CPPED1: variants seen among roughly 807,000 people sequenced by gnomAD.
The protein encoded by CPPED1 is serine/threonine-protein phosphatase CPPED1.
A neutral mutation model predicts 28.0 loss-of-function variants in CPPED1; 28 were observed. The observed-to-expected ratio is 1.00, with a 90% CI of 0.74 to 1.37. CPPED1 has a LOEUF of 1.37. Among genes scored for constraint, CPPED1 ranks in the 40% most tolerant of loss-of-function variants. CPPED1 has a pLI of 0.00. For missense variants in CPPED1, 504 were observed against 416.5 expected, an observed-to-expected ratio of 1.21 and a Z score of -1.83; for synonymous variants, 198 against 180.2, an observed-to-expected ratio of 1.10 and a Z score of -0.79.
Position 12,659,912 on chromosome 16 carries a change from GGAAA to G in CPPED1, c.*4970_*4973del, listed in dbSNP as rs2079784474. On this transcript the variant is annotated 3_prime_UTR_variant, in exon 4 of 4. Transcript: ENST00000381774. ...AGCAGGCATGTCTTACATGGCAACAGGAAAGAAAGAGTGTGAAGGAGCTATCAAA... is the reference window on the plus strand; with the variant it reads ...AGCAGGCATGTCTTACATGGCAACAGGAAAGAGTGTGAAGGAGCTATCAAA... 6.6e-6 allele frequency: 1 copy of G among 152,360 alleles called. No individual in the cohort carries two copies. Among genetic ancestry groups the G allele is most frequent in the Admixed American group, 6.5e-5 (1 of 15,286 alleles). 9.4% of individuals were successfully genotyped at this position (152,360 alleles called of 1,614,324 possible). A position where few individuals can be genotyped will look rare whatever the true frequency, so the allele number is the denominator to read the frequency against.
chr16:12,792,659 G>C (rs1404376346), intron 1 of CPPED1, among the ~76,000 whole-genome samples: 1 of 152,094 alleles, frequency 6.6e-6, no homozygotes, highest in Admixed American at 6.6e-5. Context: ...CCTGGTGGGA[G>C]GTAACTGAAT....
intron 2 of CPPED1, among the ~76,000 whole-genome samples, chr16:12,746,818 C>T (rs1400780014): frequency 6.6e-6 from 1 of 152,024 alleles, no homozygotes; most frequent in Non-Finnish European, 1.5e-5. Context: ...GGGGTGATAT[C>T]GCTTGCAGGT....
At chr16:12,760,803 G>C (rs531505719) in intron 2 of CPPED1, 6 of 152,194 alleles carry the variant, frequency 3.9e-5, no homozygotes, top group African/African-American at 1.4e-4. Flanking sequence ...TCCCAGGCCA[G>C]GATCATCCTA....
intron 2 of CPPED1, among the ~76,000 whole-genome samples, chr16:12,746,654 ATTGTCT>A (rs2080290423): frequency 6.6e-6 from 1 of 151,922 alleles, no homozygotes; most frequent in East Asian, 1.9e-4. Flanking sequence ...TTGAAAGGAA[ATTGTCT>A]TTGTAAAAGA....
chr16:12,745,980 T>A (rs1316940152), intron 2 of CPPED1: 18 of 151,806 alleles, frequency 1.2e-4, no homozygotes, highest in Non-Finnish European at 2.1e-4. Context: ...GAGGAAAAGG[T>A]AAGAATTGTA....
At chr16:12,743,149 T>C (rs1359049167) in intron 2 of CPPED1, among the ~76,000 whole-genome samples, 1 of 152,200 alleles carries the variant, frequency 6.6e-6, no homozygotes, top group African/African-American at 2.4e-5. Context: ...ATCCAGGTTC[T>C]CAGATGCACG....
chr16:12,668,225 T>A (rs1042937652), intron 3 of CPPED1, among the ~76,000 whole-genome samples: 1 of 152,166 alleles, frequency 6.6e-6, no homozygotes, highest in Non-Finnish European at 1.5e-5. Context: ...AAAGAAAGGA[T>A]GAAATATTAA....
chr16:12,729,647 A>G (rs1216637874), intron 2 of CPPED1, among the ~76,000 whole-genome samples: 1 of 152,188 alleles, frequency 6.6e-6, no homozygotes, highest in Admixed American at 6.5e-5. Context: ...ACACAAGGGT[A>G]TTCTGTCTGG....
chr16:12,698,559 G>A (rs753711881), intron 3 of CPPED1, among the ~76,000 whole-genome samples: 2 of 152,088 alleles, frequency 1.3e-5, no homozygotes, highest in Non-Finnish European at 2.9e-5. Context: ...AGCCTCCCAA[G>A]TAGCTGGGAC....
chr16:12,766,633 G>T (rs538497129), intron 2 of CPPED1, among the ~76,000 whole-genome samples: 1 of 152,132 alleles, frequency 6.6e-6, no homozygotes, highest in South Asian at 2.1e-4. Flanking sequence ...ATCAGGTGTG[G>T]TGGCGGGCAC....
intron 1 of CPPED1, among the ~76,000 whole-genome samples, chr16:12,789,682 T>G (rs2080584824): frequency 6.6e-6 from 1 of 151,988 alleles, no homozygotes; most frequent in South Asian, 2.1e-4. Flanking sequence ...CGCGACACCA[T>G]GCCTGGTTAA....
At chr16:12,727,840 A>G (rs1191724918) in intron 2 of CPPED1, among the ~76,000 whole-genome samples, 3 of 152,222 alleles carry the variant, frequency 2.0e-5, no homozygotes, top group Non-Finnish European at 4.4e-5. Flanking sequence ...CAAAGACACC[A>G]GAATTATAAC....
At chr16:12,683,382 A>G (rs1211028720) in intron 3 of CPPED1, among the ~76,000 whole-genome samples, 1 of 151,500 alleles carries the variant, frequency 6.6e-6, no homozygotes. Flanking sequence ...GGCTCTGTCC[A>G]TTCCCCTTCT....
chr16:12,721,730 G>C (rs2080141237), intron 2 of CPPED1, among the ~76,000 whole-genome samples: 1 of 151,128 alleles, frequency 6.6e-6, no homozygotes, highest in Non-Finnish European at 1.5e-5. Flanking sequence ...CTCTAGCCTG[G>C]GTGACAGAGC....
At chr16:12,781,428 G>A (rs758363650) in intron 1 of CPPED1, 25 bp from the exon 2 acceptor site, 2 of 1,602,896 alleles carry the variant, frequency 1.2e-6, no homozygotes, top group South Asian at 2.2e-5. Context: ...GAGGGAGAAA[G>A]AAGGAGAAAT....
Position 12,803,822 on chromosome 16 carries a change from A to G in CPPED1, c.-46T>C, listed in dbSNP as rs747741219. ...TCACTTAGAACACTGCGTGGGTGGA[A>G]GCCGCGCGACTTCACACAGAACAAC... On this transcript the variant is annotated 5_prime_UTR_variant, in exon 1 of 4. Coordinates refer to ENST00000381774, the MANE Select transcript of CPPED1 (RefSeq NM_018340.3). 7.1e-6 allele frequency: 11 copies of G among 1,550,728 alleles called. No individual in the cohort carries two copies. In the South Asian group the frequency reaches 8.2e-5, roughly 12 times the overall value.
chr16:12,761,484 CT>C (rs1218001213), intron 2 of CPPED1, among the ~76,000 whole-genome samples: 2 of 152,084 alleles, frequency 1.3e-5, no homozygotes, highest in African/African-American at 2.4e-5. Context: ...CTTTGTGGCT[CT>C]ATACTATGAC....
chr16:12,691,527 G>A (rs369956045), intron 3 of CPPED1, among the ~76,000 whole-genome samples: 12 of 152,060 alleles, frequency 7.9e-5, no homozygotes, highest in African/African-American at 2.2e-4. Flanking sequence ...TGTTTATTGC[G>A]GCATTATTCA....
At chr16:12,802,925 G>C (rs1041841370) in intron 1 of CPPED1, among the ~76,000 whole-genome samples, 4 of 152,172 alleles carry the variant, frequency 2.6e-5, no homozygotes, top group African/African-American at 7.2e-5. Context: ...CTTCCCTGGG[G>C]GTATAAAGCT....
Sources: allele counts gnomAD v4.1 joint callset (sites outside exome capture counted in the v4.1 genomes callset), GRCh38; gene constraint gnomAD v4.1.1; transcripts MANE v1.5; gene names NCBI Gene and HGNC (gene_info 2026-07-23, HGNC 2026-07-21).